PNPLA1: variants seen among roughly 807,000 people sequenced by gnomAD.
PNPLA1 encodes patatin like domain 1, omega-hydroxyceramide transacylase, also known as omega-hydroxyceramide transacylase.
PNPLA1 carries 36 observed loss-of-function variants against 51.7 expected under a neutral mutation model. The observed-to-expected ratio is 0.70, with a 90% confidence interval of 0.53 to 0.92. The LOEUF (loss-of-function observed/expected upper bound fraction) is 0.92, where lower values mean the gene tolerates loss of function less well. Ranked by LOEUF, PNPLA1 falls within the 40% of genes least tolerant of loss-of-function variation. The pLI is 0.00. For missense variants in PNPLA1, 658 were observed against 682.5 expected, an observed-to-expected ratio of 0.96 and a Z score of 0.40; for synonymous variants, 293 against 280.1, an observed-to-expected ratio of 1.05 and a Z score of -0.46.
chr6:36,243,880 C>G (rs994071547), intron 1 of PNPLA1, among the ~76,000 whole-genome samples: 2 of 152,200 alleles, frequency 1.3e-5, no homozygotes, highest in Non-Finnish European at 2.9e-5. Flanking sequence ...CCAGGGCTGG[C>G]TAAACATCTA....
chr6:36,309,045 C>T (rs1771328230), intron 8 of PNPLA1, among the ~76,000 whole-genome samples: 1 of 152,172 alleles, frequency 6.6e-6, no homozygotes, highest in African/African-American at 2.4e-5. Flanking sequence ...AACATCCTTC[C>T]TGGTTGTTCT....
At chr6:36,293,624 G>A (rs1022881578) in intron 3 of PNPLA1, among the ~76,000 whole-genome samples, 3 of 152,158 alleles carry the variant, frequency 2.0e-5, no homozygotes, top group Non-Finnish European at 4.4e-5. Context: ...CTGGTGGGTG[G>A]GCCACACTCT....
intron 1 of PNPLA1, among the ~76,000 whole-genome samples, 183 bp from the exon 2 acceptor site, chr6:36,291,137 C>T (rs1401945065): frequency 6.6e-6 from 1 of 152,236 alleles, no homozygotes; most frequent in African/African-American, 2.4e-5. Flanking sequence ...CTTCCTTCCT[C>T]AATATCTTGC....
At chr6:36,288,099 C>A (rs1349553247) in intron 1 of PNPLA1, among the ~76,000 whole-genome samples, 1 of 152,148 alleles carries the variant, frequency 6.6e-6, no homozygotes, top group Admixed American at 6.6e-5. Context: ...TTAAAGTAAG[C>A]ATTATAAGAC....
At chr6:36,295,278 A>AT in intron 4 of PNPLA1, 86 bp from the exon 5 acceptor site, 2 of 1,360,336 alleles carry the variant, frequency 1.5e-6, no homozygotes, top group Non-Finnish European at 2.1e-6. Context: ...TTCAAGAGCA[A>AT]TGGGAGTAGC....
chr6:36,310,515 A>G (rs1486756578), intron 8 of PNPLA1, among the ~76,000 whole-genome samples: 1 of 152,170 alleles, frequency 6.6e-6, no homozygotes. Flanking sequence ...TCCACCATAA[A>G]AGATCCTTTT....
rs201804225 is a variant in PNPLA1 at position 36,302,054 on chromosome 6, C to G, written c.969C>G (p.Ser323Arg). 1 of 1,614,192 alleles carries G rather than the reference C, an allele frequency of 6.2e-7. No individual in the cohort carries two copies. Among genetic ancestry groups the G allele is most frequent in the East Asian group, 2.2e-5 (1 of 44,884 alleles). The change falls in exon 6 of 9, where the codon AGC (serine) becomes AGG (arginine). Residue 323 changes from serine to arginine, a missense_variant. Transcript: ENST00000636260. ...EWVPKGDGRGSHGPPVSQPVQ... is the reference protein window; with the variant it reads ...EWVPKGDGRGRHGPPVSQPVQ... ...TTCCCAAAGGGGATGGAAGGGGCAG[C>G]CATGGTCCGCCTGTGTCCCAACCTG...
At chr6:36,291,679 A>C (rs1238637459) in intron 2 of PNPLA1, 127 bp downstream of exon 2, 2 of 790,100 alleles carry the variant, frequency 2.5e-6, no homozygotes, top group Admixed American at 4.7e-5. Context: ...CCCTTCCTTC[A>C]TGCCCCCAGA....
At chr6:36,245,079 T>A (rs1267523792) in intron 1 of PNPLA1, among the ~76,000 whole-genome samples, 2 of 152,188 alleles carry the variant, frequency 1.3e-5, no homozygotes, top group African/African-American at 4.8e-5. Context: ...GATTCAAAGA[T>A]CCTCTGATTT....
In PNPLA1 at chr6:36,295,409, T is replaced by C; in HGVS notation, c.760T>C (p.Tyr254His). Residue 254 changes from tyrosine to histidine, a missense_variant, in exon 5 of 9, where the codon TAC becomes CAC. Transcript: ENST00000636260. Reference sequence around the variant, plus strand: ...CCGAGGGTACGAGGATGCAGTTTTGTACTTGAGGCGGCTGAGTAAGTACCG... The same window carrying C: ...CCGAGGGTACGAGGATGCAGTTTTGCACTTGAGGCGGCTGAGTAAGTACCG... ...YYRGYEDAVL[Y>H]LRRLNAVYLN... The C allele has an allele frequency of 6.2e-7, 1 of 1,614,174 alleles. No individual in the cohort carries two copies.
intron 1 of PNPLA1, among the ~76,000 whole-genome samples, chr6:36,277,157 C>T (rs1382608410): frequency 1.3e-5 from 2 of 152,178 alleles, no homozygotes; most frequent in African/African-American, 4.8e-5. Flanking sequence ...ATGATGCCTC[C>T]AGAGCATGGT....
chr6:36,279,635 C>A (rs967802730), intron 1 of PNPLA1, among the ~76,000 whole-genome samples: 1 of 152,180 alleles, frequency 6.6e-6, no homozygotes, highest in African/African-American at 2.4e-5. Flanking sequence ...TCTGTAGGTT[C>A]TTGGCTGGCC....
chr6:36,292,619 A>C (rs1362891652), intron 2 of PNPLA1, among the ~76,000 whole-genome samples: 2 of 151,458 alleles, frequency 1.3e-5, no homozygotes, highest in Non-Finnish European at 2.9e-5. Flanking sequence ...CACGGTGCCC[A>C]TGCTCACCTC....
chr6:36,307,506 C>A (rs990475153), intron 7 of PNPLA1, 81 bp from the exon 8 acceptor site: 7 of 1,533,618 alleles, frequency 4.6e-6, no homozygotes, highest in East Asian at 4.6e-5. Flanking sequence ...GGTGTGTCCA[C>A]CTGCGGAGCT....
At chr6:36,266,315 G>A (rs1381218671), upstream of PNPLA1, among the ~76,000 whole-genome samples, 7 of 152,206 alleles carry the variant, frequency 4.6e-5, no homozygotes, top group Non-Finnish European at 1.0e-4. Context: ...AAAGTGCCAT[G>A]TTTCAGGGTA....
intron 5 of PNPLA1, 99 bp downstream of exon 5, chr6:36,295,523 T>C: frequency 7.5e-7 from 1 of 1,325,404 alleles, no homozygotes; most frequent in Admixed American, 1.8e-5. Flanking sequence ...CCCAGATTTG[T>C]GACCCGGAGA....
intron 6 of PNPLA1, among the ~76,000 whole-genome samples, chr6:36,303,373 G>A (rs1360070618): frequency 3.3e-5 from 5 of 152,188 alleles, no homozygotes; most frequent in Admixed American, 1.3e-4. Context: ...GACTACAGGC[G>A]TGAGCCACCG....
intron 5 of PNPLA1, among the ~76,000 whole-genome samples, chr6:36,298,222 G>A (rs1345800689): frequency 6.6e-6 from 1 of 152,084 alleles, no homozygotes; most frequent in East Asian, 1.9e-4. Context: ...ATATACCACA[G>A]CCCATTTACC....
At chr6:36,256,949 TAGA>T (rs1769546710) in intron 1 of PNPLA1, among the ~76,000 whole-genome samples, 1 of 152,182 alleles carries the variant, frequency 6.6e-6, no homozygotes, top group Non-Finnish European at 1.5e-5. Context: ...TAGGCAACTT[TAGA>T]AGAAGAGTAA....
Sources: allele counts gnomAD v4.1 joint callset (sites outside exome capture counted in the v4.1 genomes callset), GRCh38; gene constraint gnomAD v4.1.1; transcripts MANE v1.5; gene names NCBI Gene and HGNC (gene_info 2026-07-23, HGNC 2026-07-21).